Variants in CDH18 observed in about 807,000 individuals in gnomAD.
CDH18 encodes cadherin 18.
Under a neutral mutation model 67.9 loss-of-function variants are expected in CDH18, and 31 were observed. The observed-to-expected ratio is 0.46, with a 90% CI of 0.34 to 0.62. The LOEUF (loss-of-function observed/expected upper bound fraction) is 0.62, where lower values mean the gene tolerates loss of function less well. CDH18 is among the 20% of genes least tolerant of loss of function. The pLI is 0.01. For missense variants in CDH18, 890 were observed against 975.5 expected, an observed-to-expected ratio of 0.91 and a Z score of 1.17; for synonymous variants, 362 against 347.2, an observed-to-expected ratio of 1.04 and a Z score of -0.48.
intron 5 of CDH18, among the ~76,000 whole-genome samples, chr5:19,717,868 C>T (rs1185900681): frequency 6.6e-6 from 1 of 151,872 alleles, no homozygotes; most frequent in Non-Finnish European, 1.5e-5. Context: ...ATCGTAGGCC[C>T]CTGTACCTTT....
At chr5:20,511,733 G>C (rs1755048494) in intron 1 of CDH18, among the ~76,000 whole-genome samples, 1 of 152,070 alleles carries the variant, frequency 6.6e-6, no homozygotes, top group Admixed American at 6.6e-5. Flanking sequence ...GGTGATTGTG[G>C]ACCTCCTTGT....
At chr5:20,224,214 T>C (rs1301027004) in intron 2 of CDH18, among the ~76,000 whole-genome samples, 1 of 152,128 alleles carries the variant, frequency 6.6e-6, no homozygotes, top group Non-Finnish European at 1.5e-5. Context: ...TCCTCAGTCT[T>C]GTTTCTAGAA....
chr5:19,511,584 A>G (rs1317567730), intron 10 of CDH18, among the ~76,000 whole-genome samples: 2 of 151,944 alleles, frequency 1.3e-5, no homozygotes, highest in Non-Finnish European at 2.9e-5. Flanking sequence ...AATAAAAGTG[A>G]CTCTTGCTAT....
intron 1 of CDH18, among the ~76,000 whole-genome samples, chr5:20,408,638 T>TA (rs1163310808): frequency 3.3e-5 from 5 of 151,294 alleles, no homozygotes; most frequent in Admixed American, 2.6e-4. Context: ...AAATATAAAA[T>TA]AAAAATACAA....
intron 1 of CDH18, among the ~76,000 whole-genome samples, chr5:20,258,054 A>G (rs61632639): frequency 0.071 from 10,784 of 152,134 alleles, 472 homozygotes; most frequent in East Asian, 0.14. Flanking sequence ...TCCAATTTAT[A>G]GGTTTATAAT....
intron 1 of CDH18, among the ~76,000 whole-genome samples, chr5:20,329,626 C>A (rs1289714166): frequency 6.6e-6 from 1 of 151,652 alleles, no homozygotes; most frequent in Non-Finnish European, 1.5e-5. Flanking sequence ...CAAAATTAGC[C>A]GGACGTGGTG....
At chr5:20,152,315 A>C (rs1316462043) in intron 2 of CDH18, among the ~76,000 whole-genome samples, 1 of 148,852 alleles carries the variant, frequency 6.7e-6, no homozygotes, top group Non-Finnish European at 1.5e-5. Flanking sequence ...AAATTAAAAC[A>C]CTATGAACAG....
Position 19,836,587 on chromosome 5 carries a change from G to A in CDH18, c.228+2172C>T, listed in dbSNP as rs146710034. Among the ~76,000 whole-genome samples the A allele has an allele frequency of 5.5e-3, 838 of 152,244 alleles. 3 individuals are homozygous for A. The highest frequency in any genetic ancestry group is 0.011 in the South Asian group (55 of 4,822). ...ATATTAACCCTTTGCCAGATGGATA[G>A]ATGGCAAACATTTTCTCCCATTCTT... On this transcript the variant is annotated intron_variant, in intron 3 of 12. Coordinates refer to ENST00000382275, the MANE Select transcript of CDH18 (RefSeq NM_004934.5).
intron 5 of CDH18, among the ~76,000 whole-genome samples, chr5:19,698,635 G>A (rs1368145740): frequency 4.6e-5 from 7 of 151,836 alleles, no homozygotes; most frequent in Non-Finnish European, 1.0e-4. Flanking sequence ...ATATAAATAG[G>A]CATGATTTCT....
At chr5:19,966,523 A>G (rs1270500286) in intron 2 of CDH18, among the ~76,000 whole-genome samples, 1 of 152,160 alleles carries the variant, frequency 6.6e-6, no homozygotes, top group Non-Finnish European at 1.5e-5. Context: ...CATGGAGATG[A>G]TATATTTAGC....
chr5:19,489,385 C>T (rs573780949), intron 11 of CDH18, among the ~76,000 whole-genome samples: 95 of 151,582 alleles, frequency 6.3e-4, no homozygotes, highest in South Asian at 1.0e-3. Context: ...GTAGCTGGGA[C>T]TACAGGCGCC....
chr5:20,260,562 A>ATGGGATG, intron 1 of CDH18, among the ~76,000 whole-genome samples: 1 of 152,170 alleles, frequency 6.6e-6, no homozygotes, highest in African/African-American at 2.4e-5. Flanking sequence ...GCATTTCAGA[A>ATGGGATG]AGACTTAAAC....
chr5:20,197,260 C>T (rs190736199), intron 2 of CDH18, among the ~76,000 whole-genome samples: 6 of 152,144 alleles, frequency 3.9e-5, no homozygotes, highest in African/African-American at 1.4e-4. Context: ...AATCTGCCTG[C>T]CTTGGCCTCC....
At chr5:19,880,327 A>G (rs1787499907) in intron 2 of CDH18, among the ~76,000 whole-genome samples, 2 of 152,062 alleles carry the variant, frequency 1.3e-5, no homozygotes, top group South Asian at 2.1e-4. Flanking sequence ...TCAGCTTCCA[A>G]ACAACAAATA....
At chr5:19,994,478 C>G (rs893935027) in intron 2 of CDH18, among the ~76,000 whole-genome samples, 1 of 149,858 alleles carries the variant, frequency 6.7e-6, no homozygotes, top group Admixed American at 6.7e-5. Context: ...TGAACATCTC[C>G]GTTTATAAAT....
At chr5:19,476,854 T>C (rs1738550934) in intron 12 of CDH18, among the ~76,000 whole-genome samples, 1 of 151,942 alleles carries the variant, frequency 6.6e-6, no homozygotes, top group African/African-American at 2.4e-5. Flanking sequence ...ATTTGTGCAA[T>C]TTTTCAATCT....
intron 2 of CDH18, among the ~76,000 whole-genome samples, chr5:20,204,815 A>G (rs918523495): frequency 6.6e-5 from 10 of 151,878 alleles, no homozygotes; most frequent in Admixed American, 6.6e-4. Context: ...CTTTGTTCCT[A>G]TTCTTTTCTT....
intron 1 of CDH18, among the ~76,000 whole-genome samples, chr5:20,492,411 T>C (rs1278582039): frequency 1.3e-5 from 2 of 152,178 alleles, no homozygotes; most frequent in African/African-American, 2.4e-5. Flanking sequence ...TAAAATAACA[T>C]ATTTTTCAAC....
chr5:19,843,111 CAAGAAGCCA>C lies in CDH18; in HGVS notation c.-256-3878_-256-3870del. On this transcript the variant is annotated intron_variant, in intron 2 of 12. Transcript: ENST00000382275. ...CAGCTTGAGAAATTTGCATAAGTAACAAGAAGCCAAATGTAATTCACCAAGACAATGGAG... is the reference window on the plus strand; with the variant it reads ...CAGCTTGAGAAATTTGCATAAGTAACAATGTAATTCACCAAGACAATGGAG... Among the ~76,000 whole-genome samples, 6 of 152,284 alleles carry C rather than the reference CAAGAAGCCA, an allele frequency of 3.9e-5. No homozygotes were observed. The South Asian group carries it at 1.2e-3, about 32-fold the overall frequency.
Sources: allele counts gnomAD v4.1 joint callset (sites outside exome capture counted in the v4.1 genomes callset), GRCh38; gene constraint gnomAD v4.1.1; transcripts MANE v1.5; gene names NCBI Gene and HGNC (gene_info 2026-07-23, HGNC 2026-07-21).